ZNF483: variants seen among roughly 807,000 people sequenced by gnomAD.
The protein encoded by ZNF483 is zinc finger protein 483.
Under a neutral mutation model 28.6 loss-of-function variants are expected in ZNF483, and 9 were observed. The observed-to-expected ratio is 0.32, with a 90% CI of 0.19 to 0.55. The LOEUF is 0.55. Ranked by LOEUF, ZNF483 falls within the 20% of genes least tolerant of loss-of-function variation. ZNF483 has a pLI of 0.93. For synonymous variants in ZNF483, 322 were observed against 306.2 expected (o/e 1.05, Z -0.54); for missense variants, 675 against 871.7 (o/e 0.77, Z 2.84).
chr9:111,573,584 G>A (rs10122818), intron 5 of ZNF483, among the ~76,000 whole-genome samples: 1 of 150,978 alleles, frequency 6.6e-6, no homozygotes, highest in Non-Finnish European at 1.5e-5. Context: ...TCCTTTTTTG[G>A]GGGGGGACCA....
chr9:111,526,609 A>G (rs1827191192), intron 1 of ZNF483, among the ~76,000 whole-genome samples: 2 of 152,154 alleles, frequency 1.3e-5, no homozygotes, highest in South Asian at 2.1e-4. Context: ...TGAAAGTCAA[A>G]TATTAAATTG....
rs1305325806 is a variant in ZNF483 at position 111,545,739 on chromosome 9, A to G, written c.*2569A>G. On this transcript the variant is annotated 3_prime_UTR_variant, in exon 6 of 6. Coordinates refer to ENST00000309235, the MANE Select transcript of ZNF483 (RefSeq NM_133464.5). Reference sequence around the variant, plus strand: ...ACATACTAGTACTTTATTCCTTTTTATCATAAATAATATTACATTATGTGG... The same window carrying G: ...ACATACTAGTACTTTATTCCTTTTTGTCATAAATAATATTACATTATGTGG... Among the ~76,000 whole-genome samples, 1 of 152,028 alleles carries G rather than the reference A, an allele frequency of 6.6e-6. No individual in the cohort carries two copies. Among genetic ancestry groups the G allele is most frequent in the Non-Finnish European group, 1.5e-5 (1 of 68,006 alleles).
intron 5 of ZNF483, chr9:111,563,287 C>T: frequency 4.0e-6 from 6 of 1,484,162 alleles, no homozygotes; most frequent in Non-Finnish European, 5.5e-6. Context: ...CAATGATATA[C>T]TGTTCTCATC....
rs1239729780 is a variant in ZNF483, at chr9:111,552,154, T to C, written c.*8984T>C. Reference sequence around the variant, plus strand: ...GTGCTACTTTTTGTCTTTGATTGAATATTTGGTAAGCATTTCTTTTGTTTC... The same window carrying C: ...GTGCTACTTTTTGTCTTTGATTGAACATTTGGTAAGCATTTCTTTTGTTTC... On this transcript the variant is annotated 3_prime_UTR_variant, in exon 6 of 6. Coordinates refer to ENST00000309235, the MANE Select transcript of ZNF483 (RefSeq NM_133464.5). 1.3e-5 allele frequency among the ~76,000 whole-genome samples: 2 copies of C among 152,262 alleles called. No individual in the cohort carries two copies. Among genetic ancestry groups the C allele is most frequent in the Admixed American group, 1.3e-4 (2 of 15,284 alleles).
At chr9:111,533,671 C>CAA (rs374986204) in intron 3 of ZNF483, 68 bp from the exon 4 acceptor site, 55 of 1,111,052 alleles carry the variant, frequency 5.0e-5, no homozygotes, top group African/African-American at 1.4e-4. Context: ...TAGCCTGTCT[C>CAA]AAAAAAAAAA....
chr9:111,542,445 T>A lies in ZNF483; in HGVS notation c.1510T>A (p.Phe504Ile). 6.2e-7 allele frequency: 1 copy of A among 1,614,152 alleles called. No homozygotes were observed. The highest frequency in any genetic ancestry group is 8.5e-7 in the Non-Finnish European group (1 of 1,180,010). Residue 504 changes from phenylalanine (F) to isoleucine (I), a missense_variant, in exon 6 of 6, where the codon TTC becomes ATC. Transcript: ENST00000309235. The surrounding 1 kb of genome is among the most constrained non-coding windows in gnomAD (Gnocchi z 6.2). ...CAAATGTGATGACTGTGGGAAAGGTTTCACCCTAAGTGCTCACCTCATTAA... is the reference window on the plus strand; with the variant it reads ...CAAATGTGATGACTGTGGGAAAGGTATCACCCTAAGTGCTCACCTCATTAA... ...PFKCDDCGKG[F>I]TLSAHLIKHQ...
chr9:111,530,661 G>A (rs374225076), intron 2 of ZNF483, among the ~76,000 whole-genome samples: 10 of 149,190 alleles, frequency 6.7e-5, no homozygotes, highest in Admixed American at 6.7e-4. Flanking sequence ...GGGTGTGGGG[G>A]AAACACCCCC....
chr9:111,550,948 T>C lies in ZNF483; in HGVS notation c.*7778T>C, dbSNP rs1380208921. On this transcript the variant is annotated 3_prime_UTR_variant, in exon 6 of 6. Transcript: ENST00000309235. ...TTTCTGTCTCTCACACTGGAGGCTTTCCTGAAGCCTCTGATGATCTTTGAC... is the reference window on the plus strand; with the variant it reads ...TTTCTGTCTCTCACACTGGAGGCTTCCCTGAAGCCTCTGATGATCTTTGAC... 1.3e-5 allele frequency among the ~76,000 whole-genome samples: 2 copies of C among 152,228 alleles called. No homozygotes were observed. Among genetic ancestry groups the C allele is most frequent in the Non-Finnish European group, 2.9e-5 (2 of 68,046 alleles).
At chr9:111,555,645 A>G (rs139096846), downstream of ZNF483, among the ~76,000 whole-genome samples, 2,060 of 152,258 alleles carry the variant, frequency 0.014, 55 homozygotes, top group African/African-American at 0.047. Context: ...GGAAGCAAGC[A>G]CATCTTCACA....
At chr9:111,573,094 G>T (rs1480769699) in intron 5 of ZNF483, among the ~76,000 whole-genome samples, 3 of 152,154 alleles carry the variant, frequency 2.0e-5, no homozygotes. Flanking sequence ...ACATCTCAAA[G>T]TCCTGTCTGA....
chr9:111,541,394 C>T (rs1827667224), intron 5 of ZNF483, among the ~76,000 whole-genome samples: 1 of 148,094 alleles, frequency 6.8e-6, no homozygotes, highest in South Asian at 2.1e-4. Flanking sequence ...CATCCTAAAC[C>T]TCTTAAAAAA....
chr9:111,535,306 T>C (rs1199467351), intron 5 of ZNF483, among the ~76,000 whole-genome samples: 1 of 152,210 alleles, frequency 6.6e-6, no homozygotes, highest in Non-Finnish European at 1.5e-5. Context: ...TGATGCATAC[T>C]ATATCAAGCA....
At position 111,544,417 on chromosome 9, in the gene ZNF483, A is replaced by G. The variant is rs754265200; in HGVS notation, c.*1247A>G. The G allele has an allele frequency of 1.2e-5, 12 of 965,772 alleles. No homozygotes were observed. Among genetic ancestry groups the G allele is most frequent in the Non-Finnish European group, 1.5e-5 (12 of 812,128 alleles). The allele number at this position is 965,772 out of a possible 1,614,324, so 59.8% of individuals were successfully genotyped here. ...CTAAAATTAGGGCATTTCATACTAA[A>G]AACAAAGCTTGTCTTAAAAAAAATT... is the stretch of plus-strand genomic sequence containing the variant. On this transcript the variant is annotated 3_prime_UTR_variant, in exon 6 of 6. Transcript: ENST00000309235.
chr9:111,557,603 T>A (rs1828163305), downstream of ZNF483, among the ~76,000 whole-genome samples: 1 of 152,020 alleles, frequency 6.6e-6, no homozygotes, highest in Admixed American at 6.5e-5. Context: ...TGCTAATTTT[T>A]GTATTTTAGT....
At chr9:111,563,733 C>T (rs140363385) in intron 5 of ZNF483, 7,461 of 152,780 alleles carry the variant, frequency 0.049, 304 homozygotes, top group East Asian at 0.16. Context: ...GTCTCGATCT[C>T]CTGACCTCGT....
chr9:111,528,548 A>G (rs1430308064), intron 2 of ZNF483, among the ~76,000 whole-genome samples: 1 of 152,034 alleles, frequency 6.6e-6, no homozygotes, highest in Non-Finnish European at 1.5e-5. Context: ...TCAAATTTGT[A>G]GCTATTTATG....
intron 5 of ZNF483, among the ~76,000 whole-genome samples, chr9:111,540,936 G>C (rs919382155): frequency 5.9e-5 from 9 of 152,238 alleles, no homozygotes; most frequent in Admixed American, 5.2e-4. Flanking sequence ...TACTCCATAG[G>C]GTTGTTGTGA....
In ZNF483 at chr9:111,543,148, G is replaced by C; in HGVS notation, c.2213G>C (p.Arg738Pro). Residue 738 changes from arginine (R) to proline (P), a missense_variant, in exon 6 of 6, where the codon CGG becomes CCG. Physicochemically the swap from Arg to Pro is moderately radical, Grantham distance 103. Coordinates refer to ENST00000309235, the MANE Select transcript of ZNF483 (RefSeq NM_133464.5). ...AGTAATTCAGGCCTCATTAGACATC[G>C]GGGATTTCACTCTGCAGAGTAATCC... ...FKSNSGLIRH[R>P]GFHSAE 6.2e-7 allele frequency: 1 copy of C among 1,608,526 alleles called. No individual in the cohort carries two copies. Among genetic ancestry groups the C allele is most frequent in the Non-Finnish European group, 8.5e-7 (1 of 1,177,128 alleles).
rs768193923 is a variant in ZNF483 at position 111,541,877 on chromosome 9, T to C, written c.942T>C (p.Thr314=). The C allele has an allele frequency of 2.5e-6, 4 of 1,613,804 alleles. No individual in the cohort carries two copies. The East Asian group carries it at 8.9e-5, about 36-fold the overall frequency. Residue 314 remains threonine (T), a synonymous_variant, in exon 6 of 6, where the codon ACT becomes ACC. Coordinates refer to ENST00000309235, the MANE Select transcript of ZNF483 (RefSeq NM_133464.5). ...CCTTTGGACATAATTTCAAAGAAACTTCAGACTTAATTAAACATCTGAGAG... is the reference window on the plus strand; with the variant it reads ...CCTTTGGACATAATTTCAAAGAAACCTCAGACTTAATTAAACATCTGAGAG... ...KSPFGHNFKE[T]SDLIKHLRVY...
Sources: allele counts gnomAD v4.1 joint callset (sites outside exome capture counted in the v4.1 genomes callset), GRCh38; gene constraint gnomAD v4.1.1; non-coding constraint Gnocchi (gnomAD v3.1); transcripts MANE v1.5; gene names NCBI Gene and HGNC (gene_info 2026-07-23, HGNC 2026-07-21).